The following RAPGEF5 variants were observed in gnomAD, a reference collection of about 807,000 sequenced individuals.
RAPGEF5 encodes the protein M-Ras-regulated GEF.
Under a neutral mutation model 125.2 loss-of-function variants are expected in RAPGEF5, and 65 were observed. That is an observed-to-expected ratio of 0.52 (90% CI 0.43 to 0.64). The LOEUF (loss-of-function observed/expected upper bound fraction) is 0.64, where lower values mean the gene tolerates loss of function less well. Ranked by LOEUF, RAPGEF5 falls within the 30% of genes least tolerant of loss-of-function variation. RAPGEF5 has a pLI of 0.00. For synonymous variants in RAPGEF5, 391 were observed against 385.9 expected (o/e 1.01, Z -0.16); for missense variants, 958 against 1,048.1 (o/e 0.91, Z 1.19).
intron 9 of RAPGEF5, among the ~76,000 whole-genome samples, chr7:22,199,606 G>A (rs1785231972): frequency 6.8e-6 from 1 of 147,974 alleles, no homozygotes; most frequent in African/African-American, 2.5e-5. Context: ...TTGGCCAGGG[G>A]ACACATGAAT....
chr7:22,135,008 G>A (rs1245926555), intron 23 of RAPGEF5, among the ~76,000 whole-genome samples: 2 of 152,136 alleles, frequency 1.3e-5, no homozygotes, highest in South Asian at 2.1e-4. Flanking sequence ...CACGATGTAC[G>A]GCAACTCACA....
chr7:22,285,414 A>C (rs560910998), intron 6 of RAPGEF5, among the ~76,000 whole-genome samples: 59 of 152,282 alleles, frequency 3.9e-4, no homozygotes, highest in African/African-American at 1.1e-3. Context: ...CAAGTCTCTA[A>C]ACCTCTCTTT....
At chr7:22,309,035 C>T (rs1292501886) in intron 4 of RAPGEF5, among the ~76,000 whole-genome samples, 4 of 152,054 alleles carry the variant, frequency 2.6e-5, no homozygotes, top group East Asian at 1.9e-4. Context: ...CTACAATGTA[C>T]GGGACAGCCC....
intron 7 of RAPGEF5, among the ~76,000 whole-genome samples, chr7:22,256,320 C>G (rs1786759730): frequency 6.6e-6 from 1 of 152,088 alleles, no homozygotes; most frequent in African/African-American, 2.4e-5. Context: ...TCACATGCAC[C>G]TAAAATAATC....
rs552937784 is a variant in RAPGEF5, at chr7:22,301,899, G to A, written c.680+6440C>T. ...CAGAACCTTTGTGATAAGCTCCCAG[G>A]TATCACTTGTGGCACACGACTTGCC... is the stretch of plus-strand genomic sequence containing the variant. On this transcript the variant is annotated intron_variant, in intron 5 of 25. Coordinates refer to ENST00000665637, the MANE Select transcript of RAPGEF5 (RefSeq NM_012294.5). 3.3e-5 allele frequency among the ~76,000 whole-genome samples: 5 copies of A among 152,192 alleles called. 1 individual carries two copies. The East Asian group carries it at 9.6e-4, about 29-fold the overall frequency.
chr7:22,327,767 C>T (rs1783842406), intron 1 of RAPGEF5, among the ~76,000 whole-genome samples: 1 of 152,156 alleles, frequency 6.6e-6, no homozygotes, highest in Non-Finnish European at 1.5e-5. Context: ...AATTGTGATT[C>T]CCAAACTTCA....
chr7:22,223,871 C>T (rs1451514256), intron 8 of RAPGEF5, among the ~76,000 whole-genome samples: 1 of 152,058 alleles, frequency 6.6e-6, no homozygotes. Flanking sequence ...GAAAAGAAGG[C>T]ATGTTAATAG....
chr7:22,235,227 G>C (rs2128135253), intron 7 of RAPGEF5, among the ~76,000 whole-genome samples: 1 of 152,292 alleles, frequency 6.6e-6, no homozygotes, highest in South Asian at 2.1e-4. Flanking sequence ...CATTTTTACA[G>C]AGAGAAAACT....
At chr7:22,140,658 T>C (rs1167174570) in intron 20 of RAPGEF5, among the ~76,000 whole-genome samples, 1 of 152,220 alleles carries the variant, frequency 6.6e-6, no homozygotes, top group Non-Finnish European at 1.5e-5. Context: ...ATTTCTCAGT[T>C]AAACAAGGAA....
chr7:22,316,242 A>C (rs948693432), intron 2 of RAPGEF5, among the ~76,000 whole-genome samples: 7 of 151,844 alleles, frequency 4.6e-5, no homozygotes, highest in African/African-American at 1.2e-4. Flanking sequence ...AAGGGGGCTA[A>C]ATGAAAATAA....
chr7:22,341,205 A>G (rs1359824591), intron 1 of RAPGEF5, among the ~76,000 whole-genome samples: 1 of 152,230 alleles, frequency 6.6e-6, no homozygotes, highest in African/African-American at 2.4e-5. Flanking sequence ...CACATCTCAC[A>G]TGGCAGCAGA....
rs1251412102 is a variant in RAPGEF5 at position 22,357,088 on chromosome 7, C to T, written c.-28G>A. ...CCTGACGGCGCTGCGGCGCCGGGGG[C>T]TCCTCTCCACCGCGCTCGCCTCCGC... On this transcript the variant is annotated 5_prime_UTR_variant, in exon 1 of 26. Coordinates refer to ENST00000665637, the MANE Select transcript of RAPGEF5 (RefSeq NM_012294.5). 9 of 1,011,698 alleles carry T rather than the reference C, an allele frequency of 8.9e-6. No individual in the cohort carries two copies. Among genetic ancestry groups the T allele is most frequent in the Non-Finnish European group, 1.1e-5 (9 of 843,602 alleles). 62.7% of individuals were successfully genotyped at this position (1,011,698 alleles called of 1,614,324 possible).
chr7:22,349,545 A>G (rs925584102), intron 1 of RAPGEF5, among the ~76,000 whole-genome samples: 6 of 152,100 alleles, frequency 3.9e-5, no homozygotes, highest in African/African-American at 1.4e-4. Context: ...ATTTAAGGTG[A>G]TCAATATCCC....
chr7:22,305,647 T>C (rs943233795), intron 5 of RAPGEF5, among the ~76,000 whole-genome samples: 1 of 152,138 alleles, frequency 6.6e-6, no homozygotes, highest in African/African-American at 2.4e-5. Flanking sequence ...GAGTGGGCCT[T>C]ATTCATTCTT....
Position 22,191,082 on chromosome 7 carries a change from T to C in RAPGEF5, c.1204+2285A>G, listed in dbSNP as rs111445502. Among the ~76,000 whole-genome samples the C allele has an allele frequency of 8.7e-3, 1,326 of 152,314 alleles. 10 individuals are homozygous for C. Among genetic ancestry groups the C allele is most frequent in the South Asian group, 0.02 (97 of 4,824 alleles). On this transcript the variant is annotated intron_variant, in intron 11 of 25. Transcript: ENST00000665637. ...ACACCCGGGCCTTTGATAATGAGGG[T>C]TGCTTACCTGACCGAGATAAAGAAC...
intron 1 of RAPGEF5, among the ~76,000 whole-genome samples, chr7:22,330,040 T>A (rs929679515): frequency 6.6e-6 from 1 of 152,184 alleles, no homozygotes; most frequent in African/African-American, 2.4e-5. Context: ...ATAAAAAAGC[T>A]ATGAAGCAAC....
chr7:22,132,907 AG>A (rs955956612), intron 23 of RAPGEF5, among the ~76,000 whole-genome samples: 1 of 152,194 alleles, frequency 6.6e-6, no homozygotes, highest in Non-Finnish European at 1.5e-5. Flanking sequence ...CCATGCTCAC[AG>A]CTATATGTGT....
intron 11 of RAPGEF5, among the ~76,000 whole-genome samples, chr7:22,187,501 T>C (rs530434360): frequency 9.8e-5 from 15 of 152,368 alleles, no homozygotes; most frequent in Non-Finnish European, 1.9e-4. Context: ...CATCCAGGAA[T>C]TTGTGTCATG....
intron 12 of RAPGEF5, among the ~76,000 whole-genome samples, chr7:22,166,098 A>G (rs1276690818): frequency 1.4e-5 from 2 of 146,650 alleles, no homozygotes; most frequent in Non-Finnish European, 3.0e-5. Context: ...TATATATATC[A>G]TATATATATT....
Sources: gnomAD v4.1 joint callset for allele counts (sites outside exome capture counted in the v4.1 genomes callset) on GRCh38, gnomAD v4.1.1 for gene constraint, MANE v1.5 for transcripts, NCBI Gene and HGNC (gene_info 2026-07-23, HGNC 2026-07-21) for gene names.